RIN3: variants seen among roughly 807,000 people sequenced by gnomAD.
RIN3 encodes the protein RAB5 interacting protein 3.
RIN3 carries 54 observed loss-of-function variants against 76.3 expected under a neutral mutation model. The observed-to-expected ratio is 0.71, with a 90% confidence interval of 0.57 to 0.89. RIN3 has a LOEUF of 0.89. RIN3 is among the 40% of genes least tolerant of loss of function. RIN3 has a pLI of 0.00. For synonymous variants in RIN3, 576 were observed against 564.0 expected (o/e 1.02, Z -0.30); for missense variants, 1,256 against 1,322.1 (o/e 0.95, Z 0.78).
chr14:92,560,017 A>C (rs952816440), intron 2 of RIN3, among the ~76,000 whole-genome samples: 1 of 152,322 alleles, frequency 6.6e-6, no homozygotes, highest in South Asian at 2.1e-4. Context: ...AAACTGACAA[A>C]GCCAGGCTAG....
chr14:92,527,753 G>A (rs902839236), intron 1 of RIN3, among the ~76,000 whole-genome samples: 6 of 152,186 alleles, frequency 3.9e-5, no homozygotes, highest in Non-Finnish European at 8.8e-5. Flanking sequence ...TGGAATCACA[G>A]TGTGTCACCA....
At chr14:92,624,657 G>C (rs1235614174) in intron 4 of RIN3, among the ~76,000 whole-genome samples, 1 of 152,146 alleles carries the variant, frequency 6.6e-6, no homozygotes, top group Non-Finnish European at 1.5e-5. Context: ...TCCCCACAAG[G>C]TATAACTAAA....
intron 2 of RIN3, among the ~76,000 whole-genome samples, chr14:92,573,465 T>C (rs529144533): frequency 1.4e-5 from 2 of 145,650 alleles, no homozygotes; most frequent in South Asian, 4.5e-4. Context: ...TGAACTCAAG[T>C]CTCCAGTCCC....
intron 1 of RIN3, among the ~76,000 whole-genome samples, chr14:92,530,999 A>T (rs538954658): frequency 1.3e-5 from 2 of 152,202 alleles, no homozygotes; most frequent in African/African-American, 2.4e-5. Context: ...TTTGGGGGTC[A>T]TTGTAACCTG....
intron 1 of RIN3, among the ~76,000 whole-genome samples, chr14:92,546,893 T>A (rs1258721183): frequency 1.3e-5 from 2 of 151,774 alleles, no homozygotes; most frequent in African/African-American, 2.4e-5. Flanking sequence ...GGTTGCTACA[T>A]CCAGAAAAAT....
intron 1 of RIN3, among the ~76,000 whole-genome samples, chr14:92,543,566 A>G (rs1252562969): frequency 6.8e-6 from 1 of 147,440 alleles, no homozygotes; most frequent in Non-Finnish European, 1.5e-5. Context: ...TGGTGGGAGC[A>G]TTTACACCCC....
intron 5 of RIN3, chr14:92,645,082 C>G (rs755525147): frequency 6.6e-6 from 1 of 152,248 alleles, no homozygotes; most frequent in African/African-American, 2.4e-5. Context: ...ACGTGCCAGC[C>G]CCTTGCTCCC....
chr14:92,684,968 C>T lies in RIN3; in HGVS notation c.2468-19C>T. ...GCGGAGGCGGTCCTGGCTCAGATTC[C>T]ACACCCTTGTCCACGCAGGTTCCTA... On this transcript the variant is annotated intron_variant, in intron 8 of 9. Transcript: ENST00000216487. 1 of 1,599,256 alleles carries T rather than the reference C, an allele frequency of 6.3e-7. No homozygotes were observed. The highest frequency in any genetic ancestry group is 8.6e-7 in the Non-Finnish European group (1 of 1,167,848).
intron 4 of RIN3, among the ~76,000 whole-genome samples, chr14:92,625,863 C>G (rs1413064435): frequency 6.6e-6 from 1 of 152,190 alleles, no homozygotes; most frequent in Admixed American, 6.5e-5. Context: ...AATCTCTCCT[C>G]ACATATACTT....
intron 7 of RIN3, among the ~76,000 whole-genome samples, chr14:92,671,812 C>A (rs756860077): frequency 6.6e-6 from 1 of 152,206 alleles, no homozygotes; most frequent in Non-Finnish European, 1.5e-5. Context: ...CTCTGCATCC[C>A]AGGATGTCAT....
chr14:92,537,683 C>T (rs943381345), intron 1 of RIN3, among the ~76,000 whole-genome samples: 6 of 120,908 alleles, frequency 5.0e-5, no homozygotes, highest in Admixed American at 1.1e-4. Context: ...CTTGCTCTGT[C>T]GCCCAGGCTG....
intron 3 of RIN3, among the ~76,000 whole-genome samples, chr14:92,605,890 A>T (rs765262703): frequency 6.6e-6 from 1 of 152,258 alleles, no homozygotes; most frequent in Non-Finnish European, 1.5e-5. Flanking sequence ...CGTTAATTAA[A>T]GCAGATTGGG....
At chr14:92,608,271 A>C (rs184283640) in intron 3 of RIN3, among the ~76,000 whole-genome samples, 3 of 151,148 alleles carry the variant, frequency 2.0e-5, no homozygotes, top group Non-Finnish European at 4.4e-5. Context: ...ACTGGGGGGA[A>C]CTGGGTGAAG....
At chr14:92,573,781 G>A (rs573097332) in intron 2 of RIN3, among the ~76,000 whole-genome samples, 53 of 152,316 alleles carry the variant, frequency 3.5e-4, no homozygotes, top group African/African-American at 1.3e-3. Context: ...GGGCCTGGTG[G>A]CCAAGGAGGC....
chr14:92,536,742 GAAAAA>G (rs66654234), intron 1 of RIN3, among the ~76,000 whole-genome samples: 1 of 128,234 alleles, frequency 7.8e-6, no homozygotes, highest in East Asian at 2.7e-4. Flanking sequence ...CTCCGTCTCA[GAAAAA>G]AAAAAAAAAA....
intron 4 of RIN3, among the ~76,000 whole-genome samples, chr14:92,629,119 GAGAGAGAGAGA>G (rs1886465794): frequency 1.7e-4 from 1 of 5,932 alleles, no homozygotes; most frequent in African/African-American, 3.1e-3. Context: ...GAAAGGAAAA[GAGAGAGAGAGA>G]GAGAGAGAGA....
intron 3 of RIN3, among the ~76,000 whole-genome samples, chr14:92,602,726 G>A (rs1885389090): frequency 6.6e-6 from 1 of 152,182 alleles, no homozygotes; most frequent in South Asian, 2.1e-4. Flanking sequence ...TTTGGGAGAA[G>A]GAGGCAAACA....
intron 3 of RIN3, among the ~76,000 whole-genome samples, chr14:92,580,810 C>G (rs774655179): frequency 3.9e-5 from 6 of 152,214 alleles, no homozygotes; most frequent in African/African-American, 9.6e-5. Context: ...GGGTGTGTCA[C>G]CTGTGCCGCA....
chr14:92,663,763 C>G (rs749901350), intron 7 of RIN3, among the ~76,000 whole-genome samples: 1 of 152,180 alleles, frequency 6.6e-6, no homozygotes, highest in Non-Finnish European at 1.5e-5. Context: ...GGTTCATCCA[C>G]GGTCCTGGTT....
Sources: gnomAD v4.1 joint callset for allele counts (sites outside exome capture counted in the v4.1 genomes callset) on GRCh38, gnomAD v4.1.1 for gene constraint, MANE v1.5 for transcripts, NCBI Gene and HGNC (gene_info 2026-07-23, HGNC 2026-07-21) for gene names.